The following ATP2A3 variants were observed in gnomAD, a reference collection of about 807,000 sequenced individuals.
ATP2A3 encodes the protein sarcoplasmic/endoplasmic reticulum calcium ATPase 3.
In ATP2A3, 61 loss-of-function variants were observed where a neutral mutation model predicts 106.8. The ratio of observed to expected loss-of-function variants is 0.57; its 90% CI spans 0.46 to 0.71. The LOEUF (loss-of-function observed/expected upper bound fraction) is 0.71. ATP2A3 is among the 30% of genes least tolerant of loss of function. The pLI is 0.00. For synonymous variants in ATP2A3, 611 were observed against 609.3 expected, an observed-to-expected ratio of 1.00 and a Z score of -0.04; for missense variants, 1,201 against 1,423.5, an observed-to-expected ratio of 0.84 and a Z score of 2.52.
At position 3,926,261 on chromosome 17, in the gene ATP2A3, G is replaced by A. The variant is rs1434990225; in HGVS notation, c.2981-820C>T. Among the ~76,000 whole-genome samples, 1 of 152,172 alleles carries A rather than the reference G, an allele frequency of 6.6e-6. No individual in the cohort carries two copies. The highest frequency in any genetic ancestry group is 6.5e-5 in the Admixed American group (1 of 15,278). On this transcript the variant is annotated intron_variant, in intron 20 of 20. Transcript: ENST00000397041. This position sits in a 1 kb window ranked among gnomAD's most constrained non-coding sequence, Gnocchi z 4.6. ...ACCCAGCTGGCTTGGGAGCGCAAAGGGTCCCTCTCTCACCCCCGCCCCGTC... is the reference window on the plus strand; with the variant it reads ...ACCCAGCTGGCTTGGGAGCGCAAAGAGTCCCTCTCTCACCCCCGCCCCGTC...
rs1326361688 is a variant in ATP2A3 at position 3,936,218 on chromosome 17, G to C, written c.2524+49C>G. The stretch of plus-strand genomic sequence containing the variant: ...TCTGCAGCTTGCAAGCCTGATACAA[G>C]GCTCTTAGGAAGCTTAGGAATTCCA... On this transcript the variant is annotated intron_variant, in intron 16 of 20. Coordinates refer to ENST00000397041, the MANE Select transcript of ATP2A3 (RefSeq NM_005173.4). The surrounding 1 kb of genome is among the most constrained non-coding windows in gnomAD (Gnocchi z 5.4). 5.0e-6 allele frequency: 8 copies of C among 1,605,960 alleles called. No individual in the cohort carries two copies. Among genetic ancestry groups the C allele is most frequent in the Non-Finnish European group, 6.8e-6 (8 of 1,173,288 alleles).
rs2054582454 is a variant in ATP2A3 at position 3,953,612 on chromosome 17, G to A, written c.136+81C>T. The A allele has an allele frequency of 4.5e-6, 7 of 1,542,950 alleles. No individual in the cohort carries two copies. In the Admixed American group the frequency reaches 1.2e-4, roughly 26 times the overall value. ...GCTCAGCAAGGCCTCACTCAGCGGG[G>A]AGAAGGAAGTCATGACCAGACAGAG... On this transcript the variant is annotated intron_variant, in intron 2 of 20. Coordinates refer to ENST00000397041, the MANE Select transcript of ATP2A3 (RefSeq NM_005173.4). This position sits in a 1 kb window ranked among gnomAD's most constrained non-coding sequence, Gnocchi z 5.1.
intron 4 of ATP2A3, 23 bp downstream of exon 4, chr17:3,951,558 G>GGCCCCCC: frequency 2.8e-6 from 2 of 716,212 alleles, no homozygotes; most frequent in African/African-American, 2.4e-5. Flanking sequence ...CCCCCGCCCG[G>GGCCCCCC]TCCCACCCCC....
intron 14 of ATP2A3, among the ~76,000 whole-genome samples, chr17:3,940,046 TTTTG>T (rs1247165056): frequency 0.022 from 2,283 of 103,970 alleles, 103 homozygotes; most frequent in African/African-American, 0.029. Context: ...TTTTTTTGTT[TTTTG>T]TTTTTTTTTT....
intron 7 of ATP2A3, among the ~76,000 whole-genome samples, chr17:3,949,216 C>T (rs949456332): frequency 7.2e-5 from 11 of 152,014 alleles, no homozygotes; most frequent in Non-Finnish European, 1.3e-4. Flanking sequence ...TTCTATCCCC[C>T]GATAACTTGG....
chr17:3,928,510 G>A lies in ATP2A3; in HGVS notation c.2980+153C>T. The A allele has an allele frequency of 1.1e-6, 1 of 945,350 alleles. No homozygotes were observed. The highest frequency in any genetic ancestry group is 1.6e-6 in the Non-Finnish European group (1 of 608,662). The allele number at this position is 945,350 out of a possible 1,614,324, so 58.6% of individuals were successfully genotyped here. ...GACACCTTGGGACCCAGCCACCAGA[G>A]CCCCTTCACACCCTCCACTTGGTGA... On this transcript the variant is annotated intron_variant, in intron 20 of 20. Transcript: ENST00000397041. This position sits in a 1 kb window ranked among gnomAD's most constrained non-coding sequence, Gnocchi z 6.1.
rs781522447 is a variant in ATP2A3 at position 3,941,347 on chromosome 17, C to A, written c.1765-41G>T. 42 of 1,613,268 alleles carry A rather than the reference C, an allele frequency of 2.6e-5. No homozygotes were observed. In the South Asian group the frequency reaches 4.4e-4, roughly 17 times the overall value. ...AGATTCAAGCGGGGCCTGAGCCCAT[C>A]CCTGACCTACCACCTGCTCAGCTGC... On this transcript the variant is annotated intron_variant, in intron 13 of 20. Transcript: ENST00000397041.
Position 3,964,116 on chromosome 17 carries a change from CTG to C in ATP2A3, c.118+56_118+57del, listed in dbSNP as rs2055298220. On this transcript the variant is annotated intron_variant, in intron 1 of 20. Transcript: ENST00000397041. ...CCGGGTGGGGAGGCAGGAGGGGAAA[CTG>C]AGACTGCGGCGCGCGCGGCCCCCGC... 4 of 979,162 alleles carry C rather than the reference CTG, an allele frequency of 4.1e-6. No individual in the cohort carries two copies. In the Admixed American group the frequency reaches 1.6e-4, roughly 38 times the overall value. 60.7% of individuals were successfully genotyped at this position (979,162 alleles called of 1,614,324 possible).
chr17:3,936,554 G>T lies in ATP2A3; in HGVS notation c.2322-85C>A. The T allele has an allele frequency of 6.9e-7, 1 of 1,451,976 alleles. No homozygotes were observed. The highest frequency in any genetic ancestry group is 2.3e-5 in the East Asian group (1 of 43,630). 89.9% of individuals were successfully genotyped at this position (1,451,976 alleles called of 1,614,324 possible). A position where few individuals can be genotyped will look rare whatever the true frequency, so the allele number is the denominator to read the frequency against. ...CAGCTCCTGCTCAGACCCAAGGCTG[G>T]GAGCTCACCCACCCACTGTCTCCAC... On this transcript the variant is annotated intron_variant, in intron 15 of 20. Coordinates refer to ENST00000397041, the MANE Select transcript of ATP2A3 (RefSeq NM_005173.4). This position sits in a 1 kb window ranked among gnomAD's most constrained non-coding sequence, Gnocchi z 5.4.
rs759754772 is a variant in ATP2A3 at position 3,944,740 on chromosome 17, G to A, written c.1251C>T (p.Cys417=). The A allele has an allele frequency of 5.0e-6, 8 of 1,613,274 alleles. No individual in the cohort carries two copies. Among genetic ancestry groups the A allele is most frequent in the East Asian group, 4.5e-5 (2 of 44,862 alleles). ...FDGLVELATI[C]ALCNDSALDY... is the part of the protein sequence containing the mutation. Reference sequence around the variant, plus strand: ...CCAGAGCCGAGTCGTTGCACAGGGCGCAGATGGTCGCCAGCTCCACCAGCC... The same window carrying A: ...CCAGAGCCGAGTCGTTGCACAGGGCACAGATGGTCGCCAGCTCCACCAGCC... Residue 417 remains cysteine, a synonymous_variant, in exon 10 of 21, where the codon TGC becomes TGT. Coordinates refer to ENST00000397041, the MANE Select transcript of ATP2A3 (RefSeq NM_005173.4).
In ATP2A3 at chr17:3,951,595, CA is replaced by C; in HGVS notation, c.309del (p.Ile103MetfsTer17). 1 of 1,606,984 alleles carries C rather than the reference CA, an allele frequency of 6.2e-7. No individual in the cohort carries two copies. The highest frequency in any genetic ancestry group is 8.5e-7 in the Non-Finnish European group (1 of 1,177,510). On this transcript the variant is annotated frameshift_variant, in exon 4 of 21. Coordinates refer to ENST00000397041, the MANE Select transcript of ATP2A3 (RefSeq NM_005173.4). LOFTEE classifies it high-confidence loss of function. Reference protein sequence around the residue: ...VIMLILVANAIVGVWQERNAE... With the variant: ...VIMLILVANAXVGVWQERNAE... The stretch of plus-strand genomic sequence containing the variant: ...GTGCCTCCCACCTGCCACACGCCCA[CA>C]ATGGCGTTGGCCACGAGGATCAGCA...
intron 1 of ATP2A3, among the ~76,000 whole-genome samples, chr17:3,956,805 C>G (rs1246738758): frequency 6.6e-6 from 1 of 152,226 alleles, no homozygotes; most frequent in Non-Finnish European, 1.5e-5. Context: ...CTGATACCCC[C>G]TCCGCTGTGA....
Position 3,936,237 on chromosome 17 carries a change from A to G in ATP2A3, c.2524+30T>C, listed in dbSNP as rs779442671. 1.2e-6 allele frequency: 2 copies of G among 1,612,896 alleles called. No individual in the cohort carries two copies. Among genetic ancestry groups the G allele is most frequent in the South Asian group, 2.2e-5 (2 of 91,062 alleles). On this transcript the variant is annotated intron_variant, in intron 16 of 20. Transcript: ENST00000397041. This position sits in a 1 kb window ranked among gnomAD's most constrained non-coding sequence, Gnocchi z 5.4. ...ATACAAGGCTCTTAGGAAGCTTAGG[A>G]ATTCCACGGAGGGCTCAGGCCCCAC...
chr17:3,963,973 C>T (rs1042459080), intron 1 of ATP2A3, among the ~76,000 whole-genome samples: 1 of 152,086 alleles, frequency 6.6e-6, no homozygotes, highest in Admixed American at 6.5e-5. Flanking sequence ...AGCTGGAACC[C>T]GCTCCCAGCC....
rs2054554231 is a variant in ATP2A3, at chr17:3,953,198, T to A, written c.219+149A>T. 3 of 889,966 alleles carry A rather than the reference T, an allele frequency of 3.4e-6. No homozygotes were observed. The highest frequency in any genetic ancestry group is 2.9e-4 in the Middle Eastern group (1 of 3,444). The allele number at this position is 889,966 out of a possible 1,614,324, so 55.1% of individuals were successfully genotyped here. A position where few individuals can be genotyped will look rare whatever the true frequency, so the allele number is the denominator to read the frequency against. ...AGGGTTCAGGCAAGGGAAGCTGAAGTCTGAGCAGGGCAGGGCCAGGGAAGG... is the reference window on the plus strand; with the variant it reads ...AGGGTTCAGGCAAGGGAAGCTGAAGACTGAGCAGGGCAGGGCCAGGGAAGG... On this transcript the variant is annotated intron_variant, in intron 3 of 20. Coordinates refer to ENST00000397041, the MANE Select transcript of ATP2A3 (RefSeq NM_005173.4). This position sits in a 1 kb window ranked among gnomAD's most constrained non-coding sequence, Gnocchi z 5.1.
rs796350914 is a variant in ATP2A3, at chr17:3,941,746, C to T, written c.1546-92G>A. 71 of 1,344,814 alleles carry T rather than the reference C, an allele frequency of 5.3e-5. No individual in the cohort carries two copies. In the African/African-American group the frequency reaches 7.3e-4, roughly 14 times the overall value. The allele number at this position is 1,344,814 out of a possible 1,614,324, so 83.3% of individuals were successfully genotyped here. On this transcript the variant is annotated intron_variant, in intron 12 of 20. Transcript: ENST00000397041. The stretch of plus-strand genomic sequence containing the variant: ...AACTCAGGAAACTGAGACTAAGATA[C>T]GGGCAAAGGCCACCCAAGGGTACAC...
Position 3,950,692 on chromosome 17 carries a change from C to A in ATP2A3, c.544+1G>T. On this transcript the variant is annotated splice_donor_variant, in intron 6 of 20. Transcript: ENST00000397041. LOFTEE classifies it high-confidence loss of function. ...TCCCGGCCTCCTGGGGGGGGCCTCA[C>A]CCGTCAGGATGGACTGGTCCACTCG... The A allele has an allele frequency of 1.2e-6, 2 of 1,614,000 alleles. No individual in the cohort carries two copies. The highest frequency in any genetic ancestry group is 1.7e-6 in the Non-Finnish European group (2 of 1,180,018).
chr17:3,940,888 G>A lies in ATP2A3; in HGVS notation c.2100+83C>T. On this transcript the variant is annotated intron_variant, in intron 14 of 20. Transcript: ENST00000397041. ...TTAGAAAAGGTAAGAATGAGGCAGAGGGGAGAGTTGCACGGCTTGCTCTTT... is the reference window on the plus strand; with the variant it reads ...TTAGAAAAGGTAAGAATGAGGCAGAAGGGAGAGTTGCACGGCTTGCTCTTT... The A allele has an allele frequency of 1.9e-5, 27 of 1,450,178 alleles. No homozygotes were observed. In the South Asian group the frequency reaches 2.6e-4, roughly 14 times the overall value. The allele number at this position is 1,450,178 out of a possible 1,614,324, so 89.8% of individuals were successfully genotyped here. A position where few individuals can be genotyped will look rare whatever the true frequency, so the allele number is the denominator to read the frequency against.
chr17:3,946,140 C>T (rs2054101250), intron 8 of ATP2A3, among the ~76,000 whole-genome samples: 1 of 149,250 alleles, frequency 6.7e-6, no homozygotes, highest in South Asian at 2.1e-4. Flanking sequence ...CCTAGCTACT[C>T]GGGTGGCTGA....
Sources: allele counts gnomAD v4.1 joint callset (sites outside exome capture counted in the v4.1 genomes callset), GRCh38; gene constraint gnomAD v4.1.1; non-coding constraint Gnocchi (gnomAD v3.1); transcripts MANE v1.5; gene names NCBI Gene and HGNC (gene_info 2026-07-23, HGNC 2026-07-21).